Variants in HMX1 observed in about 807,000 individuals in gnomAD.
The protein encoded by HMX1 is homeobox protein HMX1.
Under a neutral mutation model 8.9 loss-of-function variants are expected in HMX1, and 8 were observed. That is an observed-to-expected ratio of 0.90 (90% CI 0.53 to 1.63). HMX1 has a LOEUF of 1.63. HMX1 is among the 40% of genes most tolerant of loss of function. The pLI is 0.00. For missense variants in HMX1, 621 were observed against 558.5 expected (o/e 1.11, Z -1.13); for synonymous variants, 311 against 283.4 (o/e 1.10, Z -0.98).
chr4:8,862,549 AAC>A (rs951386107), downstream of HMX1, among the ~76,000 whole-genome samples: 5 of 152,182 alleles, frequency 3.3e-5, no homozygotes, highest in African/African-American at 9.7e-5. Flanking sequence ...TTATAAAGCA[AAC>A]ACAGACACAT....
At position 8,846,117 on chromosome 4, in the gene HMX1, GC is replaced by G. The variant is rs1160371455; in HGVS notation, c.*28del. ...GGTTTATTTCTTGCTCACACTGAGT[GC>G]CCCCTGTGGGAACACTGCTCCACGC... is the stretch of plus-strand genomic sequence containing the variant. On this transcript the variant is annotated 3_prime_UTR_variant, in exon 2 of 2. Transcript: ENST00000506970. 61 of 667,588 alleles carry G rather than the reference GC, an allele frequency of 9.1e-5. No homozygotes were observed. The Middle Eastern group carries it at 4.0e-3, about 44-fold the overall frequency. The allele number at this position is 667,588 out of a possible 1,614,324, so 41.4% of individuals were successfully genotyped here. A position where few individuals can be genotyped will look rare whatever the true frequency, so the allele number is the denominator to read the frequency against.
downstream of HMX1, among the ~76,000 whole-genome samples, chr4:8,865,924 C>T (rs1436868793): frequency 6.6e-6 from 1 of 152,212 alleles, no homozygotes; most frequent in Non-Finnish European, 1.5e-5. Flanking sequence ...CAGCAACAAG[C>T]CTGCAGGGTG....
chr4:8,864,516 C>T (rs1453395506), downstream of HMX1, among the ~76,000 whole-genome samples: 1 of 152,200 alleles, frequency 6.6e-6, no homozygotes, highest in Non-Finnish European at 1.5e-5. Flanking sequence ...CCAACGCGCT[C>T]GAGGTGCACC....
chr4:8,857,755 G>A (rs1293177767), intron 1 of HMX1, among the ~76,000 whole-genome samples: 1 of 152,162 alleles, frequency 6.6e-6, no homozygotes, highest in Non-Finnish European at 1.5e-5. Context: ...CATTTTACGC[G>A]ACAGGGGACT....
intron 1 of HMX1, among the ~76,000 whole-genome samples, chr4:8,861,721 G>A (rs970333516): frequency 1.3e-5 from 2 of 152,214 alleles, no homozygotes; most frequent in East Asian, 3.9e-4. Context: ...CGTCGTTCCA[G>A]GGGCCTCTGC....
In HMX1 at chr4:8,871,770, G is replaced by A; in HGVS notation, c.-156C>T. ...GGGCAGGCGGCGGCCTCCGCGCCGG[G>A]CTGGGCTGGGCCGGGCCGGGAGCGA... On this transcript the variant is annotated 5_prime_UTR_variant, in exon 1 of 2. Coordinates refer to ENST00000400677, the MANE Select transcript of HMX1 (RefSeq NM_018942.3). The surrounding 1 kb of genome is among the most constrained non-coding windows in gnomAD (Gnocchi z 4.8). 1.1e-6 allele frequency: 1 copy of A among 933,264 alleles called. No individual in the cohort carries two copies. Among genetic ancestry groups the A allele is most frequent in the Non-Finnish European group, 1.3e-6 (1 of 780,922 alleles). The allele number at this position is 933,264 out of a possible 1,614,324, so 57.8% of individuals were successfully genotyped here.
At chr4:8,864,857 G>A (rs1237155922), downstream of HMX1, among the ~76,000 whole-genome samples, 1 of 152,192 alleles carries the variant, frequency 6.6e-6, no homozygotes, top group Non-Finnish European at 1.5e-5. Flanking sequence ...GGCAAGCCCT[G>A]AGTCGAGGCC....
intron 1 of HMX1, among the ~76,000 whole-genome samples, chr4:8,855,720 C>T (rs1721589978): frequency 6.6e-6 from 1 of 152,112 alleles, no homozygotes; most frequent in South Asian, 2.1e-4. Flanking sequence ...GAAATGTGAC[C>T]CAGAAGTCGC....
chr4:8,854,636 G>A (rs1039629392), intron 1 of HMX1, among the ~76,000 whole-genome samples: 2 of 152,196 alleles, frequency 1.3e-5, no homozygotes, highest in African/African-American at 4.8e-5. Flanking sequence ...CAAACTTTGG[G>A]CTTGCCAGAC....
At chr4:8,857,178 CAG>C (rs1312840923) in intron 1 of HMX1, among the ~76,000 whole-genome samples, 1 of 152,232 alleles carries the variant, frequency 6.6e-6, no homozygotes, top group Non-Finnish European at 1.5e-5. Context: ...AAATAACGAA[CAG>C]AGTCTCCTTG....
At chr4:8,864,509 A>G (rs1431693027), downstream of HMX1, among the ~76,000 whole-genome samples, 1 of 152,198 alleles carries the variant, frequency 6.6e-6, no homozygotes, top group Non-Finnish European at 1.5e-5. Flanking sequence ...GGTGGAGCCA[A>G]CGCGCTCGAG....
At chr4:8,857,841 T>A (rs1246471709) in intron 1 of HMX1, among the ~76,000 whole-genome samples, 1 of 151,998 alleles carries the variant, frequency 6.6e-6, no homozygotes, top group Non-Finnish European at 1.5e-5. Context: ...CCCAGAGAAG[T>A]GCGCTCCTCC....
downstream of HMX1, among the ~76,000 whole-genome samples, chr4:8,864,772 T>C (rs10046944): frequency 0.066 from 10,064 of 152,286 alleles, 1,101 homozygotes; most frequent in African/African-American, 0.22. Flanking sequence ...CTCTTAACAG[T>C]GTTCCAGGCC....
chr4:8,864,438 G>A (rs1721926659), downstream of HMX1, among the ~76,000 whole-genome samples: 1 of 152,190 alleles, frequency 6.6e-6, no homozygotes, highest in Admixed American at 6.5e-5. Context: ...GAACCCGCGA[G>A]GGGGGAGGGT....
rs1577202266 is a variant in HMX1, at chr4:8,871,170, G to A, written c.394+51C>T. On this transcript the variant is annotated intron_variant, in intron 1 of 1. Coordinates refer to ENST00000400677, the MANE Select transcript of HMX1 (RefSeq NM_018942.3). The surrounding 1 kb of genome is among the most constrained non-coding windows in gnomAD (Gnocchi z 4.8). ...CGAAGTCCCCCAGCAAATGCGCAGG[G>A]AGGAAGTCGGGCCCCACCGCCTGAC... 5.2e-6 allele frequency: 7 copies of A among 1,341,140 alleles called. No individual in the cohort carries two copies. Among genetic ancestry groups the A allele is most frequent in the East Asian group, 6.8e-5 (2 of 29,454 alleles). 83.1% of individuals were successfully genotyped at this position (1,341,140 alleles called of 1,614,324 possible). A position where few individuals can be genotyped will look rare whatever the true frequency, so the allele number is the denominator to read the frequency against.
rs1721530446 is a variant in HMX1, at chr4:8,853,896, A to C, written c.395-7572T>G. Among the ~76,000 whole-genome samples, 1 of 152,066 alleles carries C rather than the reference A, an allele frequency of 6.6e-6. No homozygotes were observed. The highest frequency in any genetic ancestry group is 2.4e-5 in the African/African-American group (1 of 41,392). ...GGGAAGAATGGATCCCCCTTTCCTC[A>C]CTCTGAGATCAGATAAAAATGTATG... On this transcript the variant is annotated intron_variant, in intron 1 of 1. Coordinates refer to the HMX1 transcript ENST00000506970. The surrounding 1 kb of genome is among the most constrained non-coding windows in gnomAD (Gnocchi z 4.7).
intron 1 of HMX1, chr4:8,858,627 GGGCGGCCGGGGCCTCGCTTCT>G (rs1159833555): frequency 6.6e-6 from 1 of 152,170 alleles, no homozygotes; most frequent in East Asian, 1.9e-4. Flanking sequence ...GCAGGCCCCC[GGGCGGCCGGGGCCTCGCTTCT>G]GGCGGCCGGG....
chr4:8,871,685 G>C lies in HMX1; in HGVS notation c.-71C>G, dbSNP rs1722231260. On this transcript the variant is annotated 5_prime_UTR_variant, in exon 1 of 2. Transcript: ENST00000400677. The surrounding 1 kb of genome is among the most constrained non-coding windows in gnomAD (Gnocchi z 4.8). ...CTGGGGATGGTGGCGCGCGGCTCCC[G>C]GGCGCACGCGCGGGCCGGCCCTGGA... 4.4e-6 allele frequency: 5 copies of C among 1,134,146 alleles called. No homozygotes were observed. Among genetic ancestry groups the C allele is most frequent in the Non-Finnish European group, 5.4e-6 (5 of 926,018 alleles). The allele number at this position is 1,134,146 out of a possible 1,614,324, so 70.3% of individuals were successfully genotyped here.
rs1463007118 is a variant in HMX1 at position 8,867,843 on chromosome 4, CG to C, written c.896del (p.Pro299ArgfsTer111). On this transcript the variant is annotated frameshift_variant, in exon 2 of 2. Transcript: ENST00000400677. LOFTEE classifies it low-confidence loss of function (END_TRUNC). ...SPPAAAAAGP[P>X]ATLPFPLAPA... ...GCGCCAGCGGGAAGGGCAGGGTGGC[CG>C]GGGGCCCAGCGGCGGCTGCGGCCGG... 3 of 1,235,676 alleles carry C rather than the reference CG, an allele frequency of 2.4e-6. No homozygotes were observed. Among genetic ancestry groups the C allele is most frequent in the Non-Finnish European group, 3.0e-6 (3 of 991,540 alleles). The allele number at this position is 1,235,676 out of a possible 1,614,324, so 76.5% of individuals were successfully genotyped here.
Sources: allele counts gnomAD v4.1 joint callset (sites outside exome capture counted in the v4.1 genomes callset), GRCh38; gene constraint gnomAD v4.1.1; non-coding constraint Gnocchi (gnomAD v3.1); transcripts MANE v1.5; gene names NCBI Gene and HGNC (gene_info 2026-07-23, HGNC 2026-07-21).